The following MACROD2 variants were observed in gnomAD, a reference collection of about 807,000 sequenced individuals.
MACROD2 encodes mono-ADP ribosylhydrolase 2, also known as ADP-ribose glycohydrolase MACROD2.
MACROD2 carries 36 observed loss-of-function variants against 70.4 expected under a neutral mutation model. The observed-to-expected ratio is 0.51, with a 90% CI of 0.39 to 0.68. The LOEUF (loss-of-function observed/expected upper bound fraction) is 0.68. Among genes scored for constraint, MACROD2 ranks in the 30% least tolerant of loss-of-function variants. The pLI, the probability that MACROD2 is intolerant of heterozygous loss-of-function variation, is 0.00. For missense variants in MACROD2, 496 were observed against 538.4 expected (o/e 0.92, Z 0.78); for synonymous variants, 172 against 178.8 (o/e 0.96, Z 0.30).
chr20:15,911,223 A>G (rs1234551585), intron 10 of MACROD2, among the ~76,000 whole-genome samples: 1 of 152,228 alleles, frequency 6.6e-6, no homozygotes, highest in African/African-American at 2.4e-5. Flanking sequence ...ATGGTTAACT[A>G]TAATTAAAAC....
intron 8 of MACROD2, among the ~76,000 whole-genome samples, chr20:15,615,987 C>T (rs1003637951): frequency 2.0e-5 from 3 of 151,776 alleles, no homozygotes; most frequent in Non-Finnish European, 2.9e-5. Flanking sequence ...CCAGGCAGAT[C>T]GTAGGCCAAA....
At chr20:15,176,592 A>G (rs2076463855) in intron 5 of MACROD2, among the ~76,000 whole-genome samples, 1 of 152,068 alleles carries the variant, frequency 6.6e-6, no homozygotes, top group Non-Finnish European at 1.5e-5. Context: ...TGTGGAAATG[A>G]GCTTCCCACT....
intron 8 of MACROD2, among the ~76,000 whole-genome samples, chr20:15,633,229 T>C (rs533029021): frequency 4.0e-5 from 6 of 150,336 alleles, no homozygotes; most frequent in Admixed American, 6.6e-5. Flanking sequence ...GTTTTTTTTT[T>C]ATTTCAAAAT....
chr20:14,146,322 G>GAA (rs149002863), intron 3 of MACROD2, among the ~76,000 whole-genome samples: 38 of 147,222 alleles, frequency 2.6e-4, no homozygotes, highest in African/African-American at 7.2e-4. Flanking sequence ...TCCGCCTCAG[G>GAA]AAAAAAAAAA....
intron 3 of MACROD2, among the ~76,000 whole-genome samples, chr20:14,464,469 T>A (rs1033513479): frequency 3.3e-5 from 5 of 152,066 alleles, no homozygotes; most frequent in African/African-American, 1.2e-4. Flanking sequence ...ATTTTGTTGA[T>A]CTTTTCAAAA....
chr20:14,452,988 T>C (rs887935017), intron 3 of MACROD2, among the ~76,000 whole-genome samples: 6 of 152,118 alleles, frequency 3.9e-5, no homozygotes, highest in African/African-American at 1.4e-4. Flanking sequence ...TTCTCAACTA[T>C]TGATTTCAAT....
intron 5 of MACROD2, among the ~76,000 whole-genome samples, chr20:14,853,464 G>A (rs1322626910): frequency 6.6e-6 from 1 of 151,836 alleles, no homozygotes; most frequent in Non-Finnish European, 1.5e-5. Context: ...TTAAAAATAG[G>A]GTGGAGTCTG....
chr20:14,518,933 CATT>C (rs2085134271), intron 4 of MACROD2, among the ~76,000 whole-genome samples: 1 of 152,182 alleles, frequency 6.6e-6, no homozygotes, highest in East Asian at 1.9e-4. Context: ...TTATTCATGA[CATT>C]ATGAAAGCAG....
chr20:14,623,547 G>A (rs756577896), intron 4 of MACROD2, among the ~76,000 whole-genome samples: 9 of 152,196 alleles, frequency 5.9e-5, no homozygotes, highest in Non-Finnish European at 8.8e-5. Flanking sequence ...GAATTTTGCT[G>A]TAGCAGACAG....
chr20:14,866,331 T>C (rs2073427270), intron 5 of MACROD2, among the ~76,000 whole-genome samples: 1 of 152,090 alleles, frequency 6.6e-6, no homozygotes, highest in Admixed American at 6.6e-5. Context: ...GAACCACCTT[T>C]AGTTAATTGA....
intron 3 of MACROD2, among the ~76,000 whole-genome samples, chr20:14,251,361 T>C (rs2082011112): frequency 6.6e-6 from 1 of 152,158 alleles, no homozygotes; most frequent in South Asian, 2.1e-4. Context: ...TTTGTATATT[T>C]GTCATTAAAA....
intron 4 of MACROD2, among the ~76,000 whole-genome samples, chr20:14,607,126 T>A (rs6135201): frequency 0.11 from 17,324 of 152,158 alleles, 1,413 homozygotes; most frequent in South Asian, 0.34. Context: ...TGAAACTCTC[T>A]TCTGCATAGC....
At chr20:14,943,578 C>T (rs2074407420) in intron 5 of MACROD2, among the ~76,000 whole-genome samples, 1 of 152,082 alleles carries the variant, frequency 6.6e-6, no homozygotes, top group Non-Finnish European at 1.5e-5. Flanking sequence ...GTTTTAATTT[C>T]TGCTTTTTAC....
chr20:14,738,343 T>A (rs1051125678), intron 5 of MACROD2, among the ~76,000 whole-genome samples: 3 of 152,170 alleles, frequency 2.0e-5, no homozygotes, highest in African/African-American at 7.2e-5. Context: ...ATAAAAAAGC[T>A]GTTTCTATTT....
At chr20:15,098,375 C>T (rs2075849057) in intron 5 of MACROD2, among the ~76,000 whole-genome samples, 1 of 152,128 alleles carries the variant, frequency 6.6e-6, no homozygotes, top group Non-Finnish European at 1.5e-5. Flanking sequence ...AGCTGCTCTC[C>T]TCATAACAGT....
chr20:14,166,665 C>A (rs552690025), intron 3 of MACROD2, among the ~76,000 whole-genome samples: 3 of 152,262 alleles, frequency 2.0e-5, no homozygotes, highest in African/African-American at 7.2e-5. Flanking sequence ...TCCCTAGCTT[C>A]AGAGACTTGG....
chr20:15,272,077 C>T (rs967886238), intron 6 of MACROD2, among the ~76,000 whole-genome samples: 2 of 152,082 alleles, frequency 1.3e-5, no homozygotes, highest in Admixed American at 6.5e-5. Context: ...TAGTGGTAAC[C>T]ATTAAACAGT....
At chr20:14,167,056 A>G (rs114025802) in intron 3 of MACROD2, among the ~76,000 whole-genome samples, 311 of 152,320 alleles carry the variant, frequency 2.0e-3, no homozygotes, top group African/African-American at 7.1e-3. Flanking sequence ...TCAGCAGGTC[A>G]GCACATGTAC....
intron 5 of MACROD2, among the ~76,000 whole-genome samples, chr20:14,939,759 G>T: frequency 6.6e-6 from 1 of 151,002 alleles, no homozygotes; most frequent in African/African-American, 2.4e-5. Flanking sequence ...TCCCTTTTTT[G>T]GTGTTCTCTA....
Sources: gnomAD v4.1 joint callset for allele counts (sites outside exome capture counted in the v4.1 genomes callset) on GRCh38, gnomAD v4.1.1 for gene constraint, MANE v1.5 for transcripts, NCBI Gene and HGNC (gene_info 2026-07-23, HGNC 2026-07-21) for gene names.